Variants in FAM135B observed in about 807,000 individuals in gnomAD.
FAM135B encodes family with sequence similarity 135 member B.
In FAM135B, 43 loss-of-function variants were observed where a neutral mutation model predicts 127.7. That is an observed-to-expected ratio of 0.34 (90% confidence interval 0.26 to 0.43). The LOEUF (loss-of-function observed/expected upper bound fraction) is 0.43, where lower values mean the gene tolerates loss of function less well. FAM135B is among the 20% of genes least tolerant of loss of function. The pLI, the probability that FAM135B is intolerant of heterozygous loss-of-function variation, is 1.00. For synonymous variants in FAM135B, 670 were observed against 665.1 expected (o/e 1.01, Z -0.11); for missense variants, 1,558 against 1,725.6 (o/e 0.90, Z 1.72).
At chr8:138,185,699 G>A (rs1815491653) in intron 9 of FAM135B, among the ~76,000 whole-genome samples, 1 of 152,122 alleles carries the variant, frequency 6.6e-6, no homozygotes, top group African/African-American at 2.4e-5. Context: ...AGTTTACTGG[G>A]GGGCAACCAG....
intron 2 of FAM135B, among the ~76,000 whole-genome samples, chr8:138,323,616 C>T (rs1290006117): frequency 2.0e-5 from 3 of 152,176 alleles, no homozygotes; most frequent in Non-Finnish European, 2.9e-5. Context: ...CTGTCTACTT[C>T]TGTGTTTCTT....
At chr8:138,186,904 C>T (rs1815634799) in intron 9 of FAM135B, among the ~76,000 whole-genome samples, 1 of 152,186 alleles carries the variant, frequency 6.6e-6, no homozygotes. Context: ...TGTGTTTAGG[C>T]CCTGGGCCCA....
intron 1 of FAM135B, among the ~76,000 whole-genome samples, chr8:138,407,426 C>T (rs1419135040): frequency 6.6e-6 from 1 of 152,104 alleles, no homozygotes; most frequent in Non-Finnish European, 1.5e-5. Flanking sequence ...TCATATGGAA[C>T]CAAAAAAGAG....
chr8:138,495,577 A>G (rs1472728127), intron 1 of FAM135B, among the ~76,000 whole-genome samples: 1 of 152,176 alleles, frequency 6.6e-6, no homozygotes, highest in East Asian at 1.9e-4. Context: ...TTCAAAGTCA[A>G]TGGCTGCCTA....
At chr8:138,154,595 T>A (rs911016488) in intron 12 of FAM135B, among the ~76,000 whole-genome samples, 4 of 151,988 alleles carry the variant, frequency 2.6e-5, no homozygotes, top group African/African-American at 7.3e-5. Flanking sequence ...AGAGAAGACC[T>A]TAAATGACCT....
At chr8:138,432,621 G>A (rs561249851) in intron 1 of FAM135B, among the ~76,000 whole-genome samples, 9 of 152,076 alleles carry the variant, frequency 5.9e-5, no homozygotes, top group Non-Finnish European at 2.9e-5. Context: ...GATAGCATCC[G>A]TAGCATCAGG....
intron 9 of FAM135B, among the ~76,000 whole-genome samples, chr8:138,191,322 A>G (rs1816104471): frequency 6.6e-6 from 1 of 152,184 alleles, no homozygotes; most frequent in African/African-American, 2.4e-5. Flanking sequence ...GTGACACATA[A>G]CGCAGGACAA....
At chr8:138,330,986 G>T (rs1209729889) in intron 2 of FAM135B, among the ~76,000 whole-genome samples, 1 of 151,934 alleles carries the variant, frequency 6.6e-6, no homozygotes, top group Admixed American at 6.6e-5. Flanking sequence ...GGGATTACAG[G>T]CATGCACCAC....
chr8:138,335,460 G>GTC (rs1828506316), intron 2 of FAM135B, among the ~76,000 whole-genome samples: 1 of 152,142 alleles, frequency 6.6e-6, no homozygotes, highest in Admixed American at 6.5e-5. Context: ...TGCAATCCTA[G>GTC]TCTCAGATAA....
chr8:138,297,873 G>T lies in FAM135B; in HGVS notation c.157+12968C>A, dbSNP rs529026170. Among the ~76,000 whole-genome samples, 11 of 152,332 alleles carry T rather than the reference G, an allele frequency of 7.2e-5. 1 individual carries two copies. The South Asian group carries it at 2.3e-3, about 32-fold the overall frequency. On this transcript the variant is annotated intron_variant, in intron 3 of 19. Transcript: ENST00000395297. ...TCAGGTCCATCTTGCTGGGCCAGCT[G>T]CATGGCAGGGCCATTTATCAACAGA...
intron 7 of FAM135B, among the ~76,000 whole-genome samples, chr8:138,222,526 T>C (rs1403983587): frequency 1.3e-5 from 2 of 152,102 alleles, no homozygotes; most frequent in Non-Finnish European, 2.9e-5. Flanking sequence ...ACTGAATATA[T>C]TAAAGAAGGG....
chr8:138,166,213 C>T (rs1248759746), intron 12 of FAM135B, among the ~76,000 whole-genome samples: 1 of 152,184 alleles, frequency 6.6e-6, no homozygotes. Context: ...CACCCAAAAC[C>T]TCCAGCACAG....
chr8:138,368,928 C>A (rs1255031062), intron 1 of FAM135B, among the ~76,000 whole-genome samples: 1 of 152,058 alleles, frequency 6.6e-6, no homozygotes. Context: ...ATAAAGTATT[C>A]CATGTAAGTT....
chr8:138,371,694 C>T (rs1831132278), intron 1 of FAM135B, among the ~76,000 whole-genome samples: 1 of 152,242 alleles, frequency 6.6e-6, no homozygotes, highest in South Asian at 2.1e-4. Flanking sequence ...TCAGAAAAAC[C>T]AGCACTCACC....
chr8:138,188,610 G>A (rs369212090), intron 9 of FAM135B, among the ~76,000 whole-genome samples: 2 of 152,094 alleles, frequency 1.3e-5, no homozygotes, highest in Non-Finnish European at 1.5e-5. Context: ...TTTCAGCTCC[G>A]TGGTGCCTGG....
intron 11 of FAM135B, among the ~76,000 whole-genome samples, chr8:138,174,572 T>G (rs4909744): frequency 0.53 from 80,197 of 152,064 alleles, 21,738 homozygotes; most frequent in East Asian, 0.81. Flanking sequence ...GCAAAAAGTT[T>G]ACTTTCTCCT....
chr8:138,379,326 A>G (rs1242928911), intron 1 of FAM135B, among the ~76,000 whole-genome samples: 1 of 152,026 alleles, frequency 6.6e-6, no homozygotes. Flanking sequence ...TACTATAGTA[A>G]TATCTATCTA....
intron 1 of FAM135B, among the ~76,000 whole-genome samples, chr8:138,373,216 AC>A (rs1831256434): frequency 6.6e-6 from 1 of 152,134 alleles, no homozygotes; most frequent in African/African-American, 2.4e-5. Flanking sequence ...AAATGGAGGG[AC>A]CGGCTGAAGC....
chr8:138,165,284 C>T (rs1819803402), intron 12 of FAM135B, among the ~76,000 whole-genome samples: 1 of 151,850 alleles, frequency 6.6e-6, no homozygotes, highest in African/African-American at 2.4e-5. Context: ...CCACACACGG[C>T]TAATTTTGTA....
Sources: gnomAD v4.1 joint callset for allele counts (sites outside exome capture counted in the v4.1 genomes callset) on GRCh38, gnomAD v4.1.1 for gene constraint, MANE v1.5 for transcripts, NCBI Gene and HGNC (gene_info 2026-07-23, HGNC 2026-07-21) for gene names.